The following MYO5A variants were observed in gnomAD, a reference collection of about 807,000 sequenced individuals.
The protein encoded by MYO5A is unconventional myosin-Va.
In MYO5A, 98 loss-of-function variants were observed where a neutral mutation model predicts 249.7. The ratio of observed to expected loss-of-function variants is 0.39; its 90% CI spans 0.33 to 0.46. The LOEUF (loss-of-function observed/expected upper bound fraction) is 0.46. MYO5A is among the 20% of genes least tolerant of loss of function. The pLI is 0.98. For synonymous variants in MYO5A, 778 were observed against 810.6 expected (o/e 0.96, Z 0.68); for missense variants, 1,696 against 2,308.8 (o/e 0.73, Z 5.44).
At chr15:52,445,827 GTA>G (rs1236150434) in intron 1 of MYO5A, among the ~76,000 whole-genome samples, 1 of 152,206 alleles carries the variant, frequency 6.6e-6, no homozygotes, top group Non-Finnish European at 1.5e-5. Context: ...ATGATTTAAG[GTA>G]TCTGGCAGAA....
intron 4 of MYO5A, among the ~76,000 whole-genome samples, chr15:52,424,032 ATT>A (rs1244074141): frequency 6.6e-6 from 1 of 152,130 alleles, no homozygotes; most frequent in African/African-American, 2.4e-5. Flanking sequence ...CACCCATGTG[ATT>A]TTTTCTCTGC....
At chr15:52,488,862 T>A (rs554431039) in intron 1 of MYO5A, among the ~76,000 whole-genome samples, 1 of 152,348 alleles carries the variant, frequency 6.6e-6, no homozygotes, top group Admixed American at 6.5e-5. Context: ...TAACAAATAA[T>A]ATTTAACAAT....
At chr15:52,519,265 C>A (rs2077562312) in intron 1 of MYO5A, among the ~76,000 whole-genome samples, 1 of 152,030 alleles carries the variant, frequency 6.6e-6, no homozygotes, top group Non-Finnish European at 1.5e-5. Flanking sequence ...TGAGGAAATA[C>A]GGTAGAAAGA....
chr15:52,410,720 G>C (rs1260648754), intron 5 of MYO5A, among the ~76,000 whole-genome samples: 1 of 151,702 alleles, frequency 6.6e-6, no homozygotes, highest in Non-Finnish European at 1.5e-5. Context: ...TGGGATTACA[G>C]GCACATGCCA....
At chr15:52,392,605 G>A (rs560475902) in intron 11 of MYO5A, among the ~76,000 whole-genome samples, 13 of 152,320 alleles carry the variant, frequency 8.5e-5, no homozygotes, top group Non-Finnish European at 1.8e-4. Flanking sequence ...TGGAGTCTAC[G>A]ACTCACTTTT....
At chr15:52,447,953 G>A (rs2075928312) in intron 1 of MYO5A, among the ~76,000 whole-genome samples, 1 of 152,234 alleles carries the variant, frequency 6.6e-6, no homozygotes, top group Non-Finnish European at 1.5e-5. Context: ...TGCTGCAGAG[G>A]CAGAGCCTTC....
chr15:52,375,690 T>C (rs2041375024), intron 19 of MYO5A, among the ~76,000 whole-genome samples: 2 of 152,200 alleles, frequency 1.3e-5, no homozygotes, highest in South Asian at 4.1e-4. Flanking sequence ...CCTCCCTAAC[T>C]CTGGAAAGTA....
At chr15:52,316,213 GAC>G (rs1206216456) in intron 40 of MYO5A, among the ~76,000 whole-genome samples, 8 of 119,252 alleles carry the variant, frequency 6.7e-5, no homozygotes, top group Non-Finnish European at 1.3e-4. Flanking sequence ...CAACCTGGGC[GAC>G]ACAGCGAGAC....
chr15:52,314,014 C>G, intron 41 of MYO5A, 109 bp downstream of exon 41: 1 of 1,282,396 alleles, frequency 7.8e-7, no homozygotes, highest in Non-Finnish European at 1.1e-6. Context: ...AAAGTTAGTG[C>G]ATTGTAAAAT....
At chr15:52,361,515 G>C (rs1292434202) in intron 24 of MYO5A, among the ~76,000 whole-genome samples, 1 of 152,172 alleles carries the variant, frequency 6.6e-6, no homozygotes, top group Non-Finnish European at 1.5e-5. Flanking sequence ...CTCTGGATCT[G>C]AAACGAGAGA....
At chr15:52,348,698 T>G in intron 29 of MYO5A, 120 bp downstream of exon 29, 1 of 923,176 alleles carries the variant, frequency 1.1e-6, no homozygotes, top group Non-Finnish European at 1.6e-6. Context: ...CACTTACAAA[T>G]TCAAAATATC....
At chr15:52,432,417 G>A (rs891003086) in intron 2 of MYO5A, among the ~76,000 whole-genome samples, 1 of 152,200 alleles carries the variant, frequency 6.6e-6, no homozygotes, top group Admixed American at 6.5e-5. Context: ...TTAAGCAACT[G>A]GTCATGGCCA....
intron 1 of MYO5A, among the ~76,000 whole-genome samples, chr15:52,435,269 T>TC (rs1212157230): frequency 7.0e-6 from 1 of 142,100 alleles, no homozygotes; most frequent in East Asian, 2.0e-4. Flanking sequence ...TAACCTCTTT[T>TC]TTTTTTTTTT....
intron 15 of MYO5A, among the ~76,000 whole-genome samples, chr15:52,383,555 C>T (rs1345022375): frequency 1.7e-4 from 26 of 152,120 alleles, no homozygotes; most frequent in Non-Finnish European, 4.4e-5. Context: ...TACTGGAAAA[C>T]GTAGCAGATG....
intron 20 of MYO5A, 111 bp from the exon 21 acceptor site, chr15:52,372,474 G>C: frequency 2.8e-6 from 4 of 1,409,506 alleles, no homozygotes; most frequent in Non-Finnish European, 3.9e-6. Flanking sequence ...AGACATAAAA[G>C]TTGAATTGAC....
intron 1 of MYO5A, among the ~76,000 whole-genome samples, chr15:52,447,528 C>T (rs2075918436): frequency 6.6e-6 from 1 of 152,066 alleles, no homozygotes; most frequent in Non-Finnish European, 1.5e-5. Flanking sequence ...TATAAAGATA[C>T]CTGAAAATGT....
intron 1 of MYO5A, among the ~76,000 whole-genome samples, chr15:52,512,669 T>A (rs2077416101): frequency 6.6e-6 from 1 of 152,236 alleles, no homozygotes; most frequent in Non-Finnish European, 1.5e-5. Context: ...TATACCTTTT[T>A]AAATAGTTTA....
chr15:52,426,523 T>C (rs1432336070), intron 3 of MYO5A, among the ~76,000 whole-genome samples: 4 of 152,154 alleles, frequency 2.6e-5, no homozygotes, highest in Admixed American at 6.5e-5. Flanking sequence ...AGTGCAATGT[T>C]ACTATCTTGG....
At chr15:52,476,932 G>C (rs1567163118) in intron 1 of MYO5A, among the ~76,000 whole-genome samples, 2 of 152,168 alleles carry the variant, frequency 1.3e-5, no homozygotes. Context: ...GAATTTGAAT[G>C]TTGGCCTGCC....
Sources: gnomAD v4.1 joint callset for allele counts (sites outside exome capture counted in the v4.1 genomes callset) on GRCh38, gnomAD v4.1.1 for gene constraint, MANE v1.5 for transcripts, NCBI Gene and HGNC (gene_info 2026-07-23, HGNC 2026-07-21) for gene names.